The following LTN1 variants were observed in gnomAD, a reference collection of about 807,000 sequenced individuals.
LTN1 encodes the protein listerin E3 ubiquitin protein ligase 1.
A neutral mutation model predicts 201.2 loss-of-function variants in LTN1; 88 were observed. The ratio of observed to expected loss-of-function variants is 0.44; its 90% CI spans 0.37 to 0.52. The LOEUF (loss-of-function observed/expected upper bound fraction) is 0.52, where lower values mean the gene tolerates loss of function less well. Among genes scored for constraint, LTN1 ranks in the 20% least tolerant of loss-of-function variants. The probability of loss-of-function intolerance (pLI) is 0.00; values close to 1 mark genes in which losing one functional copy is unlikely to be tolerated. For missense variants in LTN1, 1,752 were observed against 2,038.7 expected (o/e 0.86, Z 2.71); for synonymous variants, 645 against 713.5 (o/e 0.90, Z 1.53).
rs2084656077 is a variant in LTN1 at position 28,981,203 on chromosome 21, A to C, written c.726T>G (p.Asn242Lys). ...ATTTCTCCTCCAGAGAATCAAGCTCATTATCAGGTAAAAGGCAAAGTAATC... is the reference window on the plus strand; with the variant it reads ...ATTTCTCCTCCAGAGAATCAAGCTCCTTATCAGGTAAAAGGCAAAGTAATC... ...LKRLLCLLPD[N>K]ELDSLEEKFK... The change falls in exon 6 of 30, where the codon AAT becomes AAG. Residue 242 changes from asparagine (N) to lysine (K), a missense_variant. By Grantham distance (94) the Asn-to-Lys change is moderately conservative. Transcript: ENST00000361371. The C allele has an allele frequency of 6.3e-7, 1 of 1,599,734 alleles. No homozygotes were observed.
chr21:28,943,893 C>G lies in LTN1; in HGVS notation c.3994G>C (p.Asp1332His), dbSNP rs1675774540. 1 of 1,607,932 alleles carries G rather than the reference C, an allele frequency of 6.2e-7. No individual in the cohort carries two copies. The highest frequency in any genetic ancestry group is 1.7e-5 in the Admixed American group (1 of 59,962). Residue 1332 changes from aspartate to histidine, a missense_variant, in exon 23 of 30, where the codon GAT (aspartate) becomes CAT (histidine). By Grantham distance (81) the Asp-to-His change is moderately conservative (BLOSUM62 -1). This residue lies in a region of LTN1 where 1,211 missense variants were observed against 1,312.8 expected (regional missense o/e 0.92). Coordinates refer to ENST00000361371, the MANE Select transcript of LTN1 (RefSeq NM_015565.3). ...TTCTGAAAGGATGTTTCAGACACAT[C>G]TTTGTTTTCTCCTAATGACAAAAAG... Reference protein sequence around the residue: ...ILVTVTGENKDVSETSFQNAM... With the variant: ...ILVTVTGENKHVSETSFQNAM...
Position 28,947,506 on chromosome 21 carries a change from C to A in LTN1, c.3445G>T (p.Ala1149Ser). Residue 1149 changes from alanine to serine, a missense_variant, in exon 19 of 30, where the codon GCT (alanine) becomes TCT (serine). Ala to Ser is a moderately conservative substitution (Grantham distance 99, BLOSUM62 1). Transcript: ENST00000361371. ...KKEFSAQCIPALLGWTKKDLC... is the reference protein window; with the variant it reads ...KKEFSAQCIPSLLGWTKKDLC... ...TCTTTCTTAGTCCAGCCCAAAAGAGCAGGTATACATTGAGCACTAAATTCT... is the reference window on the plus strand; with the variant it reads ...TCTTTCTTAGTCCAGCCCAAAAGAGAAGGTATACATTGAGCACTAAATTCT... The A allele has an allele frequency of 6.4e-7, 1 of 1,572,786 alleles. No homozygotes were observed. Among genetic ancestry groups the A allele is most frequent in the South Asian group, 1.2e-5 (1 of 83,720 alleles).
chr21:28,948,389 C>A (rs1028222677), intron 18 of LTN1, among the ~76,000 whole-genome samples: 11 of 150,202 alleles, frequency 7.3e-5, no homozygotes, highest in African/African-American at 2.7e-4. Context: ...CCTGTCTCAG[C>A]CTCCCAAATA....
chr21:28,966,723 A>G lies in LTN1; in HGVS notation c.1768T>C (p.Leu590=). ...GLLSPLRKKP[L]EDLVCKLADI... ...GCGAGTTTACAGACTAAGTCTTCCA[A>G]AGGTTTTTTCCTTAGAGGAGACAAA... Residue 590 remains leucine, a synonymous_variant, in exon 10 of 30, where the codon TTG becomes CTG. Coordinates refer to ENST00000361371, the MANE Select transcript of LTN1 (RefSeq NM_015565.3). The G allele has an allele frequency of 6.2e-7, 1 of 1,614,060 alleles. No individual in the cohort carries two copies. Among genetic ancestry groups the G allele is most frequent in the Non-Finnish European group, 8.5e-7 (1 of 1,179,984 alleles).
At chr21:28,933,763 G>A (rs1488219430) in intron 27 of LTN1, among the ~76,000 whole-genome samples, 2 of 146,314 alleles carry the variant, frequency 1.4e-5, no homozygotes, top group South Asian at 2.2e-4. Context: ...CACAACCTCC[G>A]CCTCCCGGGT....
intron 27 of LTN1, among the ~76,000 whole-genome samples, chr21:28,933,830 C>T (rs1206789853): frequency 6.6e-6 from 1 of 152,086 alleles, no homozygotes; most frequent in Non-Finnish European, 1.5e-5. Flanking sequence ...GCACGTGCCA[C>T]CACACCTGGC....
chr21:28,959,972 T>TAA (rs536492491), intron 12 of LTN1: 131 of 223,596 alleles, frequency 5.9e-4, no homozygotes, highest in South Asian at 1.5e-3. Flanking sequence ...CTTTATGAGC[T>TAA]AAAAAAAAAA....
intron 24 of LTN1, among the ~76,000 whole-genome samples, 157 bp from the exon 25 acceptor site, chr21:28,941,563 T>G (rs2146264674): frequency 6.6e-6 from 1 of 152,256 alleles, no homozygotes. Flanking sequence ...TAACTCCTAA[T>G]CTCACATAAC....
chr21:28,948,044 C>G (rs926331053), intron 18 of LTN1, among the ~76,000 whole-genome samples: 1 of 150,762 alleles, frequency 6.6e-6, no homozygotes, highest in African/African-American at 2.4e-5. Flanking sequence ...TACAAAAAAT[C>G]AGCCGGGTGT....
chr21:28,967,202 A>G (rs2084534087), intron 9 of LTN1, 23 bp from the exon 10 acceptor site: 1 of 1,532,884 alleles, frequency 6.5e-7, no homozygotes, highest in Non-Finnish European at 8.9e-7. Flanking sequence ...GTAGAATATC[A>G]TAAAATATAT....
chr21:28,974,341 A>C (rs112737647), intron 6 of LTN1, among the ~76,000 whole-genome samples: 1 of 152,202 alleles, frequency 6.6e-6, no homozygotes, highest in African/African-American at 2.4e-5. Flanking sequence ...ACCAAACTGC[A>C]ATTTTAAAAT....
chr21:28,987,192 T>C (rs1002734877), intron 1 of LTN1, among the ~76,000 whole-genome samples: 7 of 152,212 alleles, frequency 4.6e-5, no homozygotes, highest in African/African-American at 1.7e-4. Context: ...AATCCATTAG[T>C]GGCTCATGAT....
chr21:28,938,868 G>A (rs2084276227), intron 25 of LTN1, among the ~76,000 whole-genome samples: 1 of 152,166 alleles, frequency 6.6e-6, no homozygotes, highest in Non-Finnish European at 1.5e-5. Context: ...GATGCATAGA[G>A]ACAGAACACA....
At chr21:28,980,636 C>T (rs2084651487) in intron 6 of LTN1, among the ~76,000 whole-genome samples, 1 of 151,256 alleles carries the variant, frequency 6.6e-6, no homozygotes, top group Admixed American at 6.6e-5. Context: ...CTGTGAATAG[C>T]TCACAAGAAC....
chr21:28,992,841 C>G lies in LTN1; in HGVS notation c.-36G>C, dbSNP rs3746842. 3.1e-4 allele frequency: 496 copies of G among 1,614,146 alleles called. 3 individuals are homozygous for G. In the East Asian group the frequency reaches 0.01, roughly 33 times the overall value. The stretch of plus-strand genomic sequence containing the variant: ...GCAGCTGTACTCTGAGCACTCAGAC[C>G]CCGGTTGACACGTCCGGGACACAAC... On this transcript the variant is annotated 5_prime_UTR_variant, in exon 1 of 30. Transcript: ENST00000361371.
chr21:28,992,632 G>T, intron 1 of LTN1, 132 bp downstream of exon 1: 1 of 927,434 alleles, frequency 1.1e-6, no homozygotes, highest in Non-Finnish European at 1.7e-6. Context: ...ACACACAACA[G>T]AGAGGTCACA....
In LTN1 at chr21:28,943,666, C is replaced by T. The variant is rs2084314406; in HGVS notation, c.4220+1G>A. 3 of 1,574,966 alleles carry T rather than the reference C, an allele frequency of 1.9e-6. No homozygotes were observed. Among genetic ancestry groups the T allele is most frequent in the Non-Finnish European group, 2.6e-6 (3 of 1,144,542 alleles). The stretch of plus-strand genomic sequence containing the variant: ...ATTGATTCAATTGGATGAATTCTTA[C>T]TTGTATAGCATATGATAAACAGCAA... On this transcript the variant is annotated splice_donor_variant, in intron 23 of 29. Transcript: ENST00000361371. LOFTEE classifies it high-confidence loss of function.
intron 7 of LTN1, 137 bp downstream of exon 7, chr21:28,971,134 T>C (rs1384401631): frequency 1.5e-6 from 1 of 652,104 alleles, no homozygotes; most frequent in Non-Finnish European, 2.4e-6. Context: ...AAAAACTCTA[T>C]GCCATTTTAG....
rs1224362704 is a variant in LTN1 at position 28,929,998 on chromosome 21, TAATA to T, written c.*446_*449del. On this transcript the variant is annotated 3_prime_UTR_variant, in exon 30 of 30. Transcript: ENST00000361371. ...CAGAATACTAATTTATTGTCATAAC[TAATA>T]AATAAGGCTTAAAATATCTATAGAT... 6.6e-6 allele frequency: 1 copy of T among 152,586 alleles called. No individual in the cohort carries two copies. Among genetic ancestry groups the T allele is most frequent in the Non-Finnish European group, 1.5e-5 (1 of 68,332 alleles). 9.5% of individuals were successfully genotyped at this position (152,586 alleles called of 1,614,324 possible).
Sources: allele counts gnomAD v4.1 joint callset (sites outside exome capture counted in the v4.1 genomes callset), GRCh38; gene constraint gnomAD v4.1.1; regional missense constraint gnomAD v4.1.1; transcripts MANE v1.5; gene names NCBI Gene and HGNC (gene_info 2026-07-23, HGNC 2026-07-21).